The following CLDN16 variants were observed in gnomAD, a reference collection of about 807,000 sequenced individuals.
CLDN16 encodes claudin 16.
A neutral mutation model predicts 24.6 loss-of-function variants in CLDN16; 13 were observed. The observed-to-expected ratio is 0.53, with a 90% CI of 0.34 to 0.84. The LOEUF is 0.84. CLDN16 is among the 40% of genes least tolerant of loss of function. The probability of loss-of-function intolerance (pLI) is 0.01; values close to 1 mark genes in which losing one functional copy is unlikely to be tolerated. For missense variants in CLDN16, 298 were observed against 292.7 expected (o/e 1.02, Z -0.13); for synonymous variants, 116 against 106.7 (o/e 1.09, Z -0.54).
chr3:190,363,231 C>A (rs2108642621), intron 1 of CLDN16, among the ~76,000 whole-genome samples: 1 of 151,430 alleles, frequency 6.6e-6, no homozygotes, highest in African/African-American at 2.4e-5. Flanking sequence ...CTATTGACAC[C>A]ATTCAATGAA....
At chr3:190,364,423 A>G (rs1310886009) in intron 1 of CLDN16, among the ~76,000 whole-genome samples, 1 of 151,900 alleles carries the variant, frequency 6.6e-6, no homozygotes, top group Non-Finnish European at 1.5e-5. Flanking sequence ...TGTGGTTCTG[A>G]CAGAACATAG....
chr3:190,383,880 AC>A (rs1246390578), upstream of CLDN16, among the ~76,000 whole-genome samples: 1 of 152,222 alleles, frequency 6.6e-6, no homozygotes, highest in African/African-American at 2.4e-5. Context: ...TAAAAATCAT[AC>A]TAACTACAAT....
chr3:190,398,706 A>G (rs1187904928), intron 1 of CLDN16, among the ~76,000 whole-genome samples: 1 of 152,150 alleles, frequency 6.6e-6, no homozygotes, highest in African/African-American at 2.4e-5. Context: ...CTTTACTACC[A>G]CTATTTTTAT....
chr3:190,314,189 T>C, the CLDN16 span, among the ~76,000 whole-genome samples: 4 of 152,186 alleles, frequency 2.6e-5, no homozygotes, highest in Non-Finnish European at 5.9e-5. Context: ...TCCTTGATGG[T>C]CTTTAAAAGT....
intron 1 of CLDN16, among the ~76,000 whole-genome samples, chr3:190,338,737 G>A (rs535739256): frequency 1.3e-5 from 2 of 152,332 alleles, no homozygotes; most frequent in South Asian, 4.1e-4. Context: ...CCTCTTACAA[G>A]TTTTCCTAGA....
At chr3:190,401,716 C>T (rs1413856545) in intron 1 of CLDN16, among the ~76,000 whole-genome samples, 1 of 152,104 alleles carries the variant, frequency 6.6e-6, no homozygotes, top group Non-Finnish European at 1.5e-5. Flanking sequence ...TGCTTACATC[C>T]TTTACATAGC....
At chr3:190,378,133 C>G (rs1225117042) in intron 3 of CLDN16, among the ~76,000 whole-genome samples, 1 of 151,918 alleles carries the variant, frequency 6.6e-6, no homozygotes, top group Non-Finnish European at 1.5e-5. Context: ...TAAACACATG[C>G]TTATAATAGT....
chr3:190,359,326 T>G lies in CLDN16; in HGVS notation n.122-11567T>G, dbSNP rs188765741. Among the ~76,000 whole-genome samples the G allele has an allele frequency of 3.4e-4, 51 of 152,182 alleles. No homozygotes were observed. In the Middle Eastern group the frequency reaches 0.01, roughly 30 times the overall value. On this transcript the variant is annotated intron_variant and non_coding_transcript_variant, in intron 1 of 4. Transcript: ENST00000468220. ...ACCTTGCATGAAGGACTTCCAAATT[T>G]GACTCTCTTAATGCCTATGCAGTAT...
At chr3:190,357,100 A>G (rs1717791865) in intron 1 of CLDN16, among the ~76,000 whole-genome samples, 1 of 151,934 alleles carries the variant, frequency 6.6e-6, no homozygotes, top group Non-Finnish European at 1.5e-5. Flanking sequence ...CAAATTAATC[A>G]CAGTCCTTAT....
At chr3:190,350,463 C>T (rs1717648597) in intron 1 of CLDN16, among the ~76,000 whole-genome samples, 1 of 151,494 alleles carries the variant, frequency 6.6e-6, no homozygotes, top group South Asian at 2.1e-4. Flanking sequence ...TGAAAAGCAA[C>T]TAAGAATTGC....
intron 1 of CLDN16, among the ~76,000 whole-genome samples, chr3:190,358,199 CT>C (rs916690730): frequency 4.0e-5 from 6 of 151,624 alleles, no homozygotes; most frequent in African/African-American, 1.5e-4. Context: ...AGGAGAAATG[CT>C]TTTTTTTCTT....
At chr3:190,313,422 C>T in the CLDN16 span, among the ~76,000 whole-genome samples, 3 of 152,104 alleles carry the variant, frequency 2.0e-5, no homozygotes, top group Non-Finnish European at 2.9e-5. Flanking sequence ...ATATACTATC[C>T]TGGATGTTAA....
At chr3:190,330,426 G>T (rs1056820748) in intron 1 of CLDN16, among the ~76,000 whole-genome samples, 1 of 152,196 alleles carries the variant, frequency 6.6e-6, no homozygotes, top group Non-Finnish European at 1.5e-5. Flanking sequence ...TGTAGCTTCA[G>T]ATTGATGCAT....
At chr3:190,407,641 G>T (rs1719140373) in intron 3 of CLDN16, among the ~76,000 whole-genome samples, 1 of 152,200 alleles carries the variant, frequency 6.6e-6, no homozygotes, top group Non-Finnish European at 1.5e-5. Context: ...TTAATTGTCA[G>T]AGAGGCTAAG....
the CLDN16 span, among the ~76,000 whole-genome samples, chr3:190,304,234 AG>A: frequency 1.3e-5 from 2 of 152,130 alleles, no homozygotes; most frequent in Admixed American, 6.6e-5. Context: ...TTATGAATGA[AG>A]AAACTGGGTG....
chr3:190,343,995 A>G (rs1717495276), intron 1 of CLDN16, among the ~76,000 whole-genome samples: 1 of 152,094 alleles, frequency 6.6e-6, no homozygotes, highest in Non-Finnish European at 1.5e-5. Context: ...TAATGAATAA[A>G]TATGTAAGAT....
intron 3 of CLDN16, among the ~76,000 whole-genome samples, chr3:190,376,915 C>A (rs1718260072): frequency 6.6e-6 from 1 of 151,942 alleles, no homozygotes; most frequent in Non-Finnish European, 1.5e-5. Context: ...TGTTTAATAG[C>A]AATTCCCAGG....
chr3:190,348,306 A>G (rs1053482141), intron 1 of CLDN16, among the ~76,000 whole-genome samples: 1 of 144,304 alleles, frequency 6.9e-6, no homozygotes, highest in Admixed American at 6.9e-5. Flanking sequence ...AGATGAGACC[A>G]CAATGTCAAG....
Position 190,382,590 on chromosome 3 carries a change from T to C in CLDN16, n.306+7987T>C, listed in dbSNP as rs565307189. ...TTTGAACCCCCACCAAACCAGACCA[T>C]TTCCCTTTCAGTCAGTTCTAACTGT... On this transcript the variant is annotated intron_variant and non_coding_transcript_variant, in intron 3 of 4. Transcript: ENST00000468220. Among the ~76,000 whole-genome samples, 3 of 152,204 alleles carry C rather than the reference T, an allele frequency of 2.0e-5. No individual in the cohort carries two copies. The East Asian group carries it at 5.8e-4, about 30-fold the overall frequency.
Sources: allele counts gnomAD v4.1 joint callset (sites outside exome capture counted in the v4.1 genomes callset), GRCh38; gene constraint gnomAD v4.1.1; transcripts MANE v1.5; gene names NCBI Gene and HGNC (gene_info 2026-07-23, HGNC 2026-07-21).